Variants in KIRREL3 observed in about 807,000 individuals in gnomAD.
The protein encoded by KIRREL3 is kirre like nephrin family adhesion molecule 3.
A neutral mutation model predicts 89.7 loss-of-function variants in KIRREL3; 36 were observed. That is an observed-to-expected ratio of 0.40 (90% CI 0.31 to 0.53). The LOEUF is 0.53. Ranked by LOEUF, KIRREL3 falls within the 20% of genes least tolerant of loss-of-function variation. KIRREL3 has a pLI of 0.49. For synonymous variants in KIRREL3, 445 were observed against 441.4 expected, an observed-to-expected ratio of 1.01 and a Z score of -0.10; for missense variants, 864 against 1,056.6, an observed-to-expected ratio of 0.82 and a Z score of 2.53.
rs997231323 is a variant in KIRREL3 at position 126,452,058 on chromosome 11, C to T, written c.849-2901G>A. 3.3e-5 allele frequency among the ~76,000 whole-genome samples: 5 copies of T among 152,180 alleles called. No homozygotes were observed. The East Asian group carries it at 7.7e-4, about 23-fold the overall frequency. On this transcript the variant is annotated intron_variant, in intron 7 of 16. Coordinates refer to ENST00000525144, the MANE Select transcript of KIRREL3 (RefSeq NM_032531.4). ...CTTCCCTCCATTAGCTTCTTGCCTC[C>T]GTCTGACCCATCCAGCCCCGAGAGA...
intron 1 of KIRREL3, among the ~76,000 whole-genome samples, chr11:126,581,708 A>G (rs1941563342): frequency 2.0e-5 from 3 of 152,038 alleles, no homozygotes; most frequent in Admixed American, 6.6e-5. Context: ...GCAATTTCCA[A>G]TTATAGGATA....
chr11:126,821,861 G>A (rs936188710), intron 1 of KIRREL3, among the ~76,000 whole-genome samples: 5 of 152,290 alleles, frequency 3.3e-5, no homozygotes, highest in Non-Finnish European at 4.4e-5. Flanking sequence ...AATCCAGGCA[G>A]CCTCTGGAAG....
chr11:126,897,938 T>C lies in KIRREL3; in HGVS notation c.55+102517A>G, dbSNP rs1167391232. ...AGAGGACACATCATTCTGCCTCTGCTTGGGAAGGGGGAGTGGGTGGGAGCT... is the reference window on the plus strand; with the variant it reads ...AGAGGACACATCATTCTGCCTCTGCCTGGGAAGGGGGAGTGGGTGGGAGCT... On this transcript the variant is annotated intron_variant, in intron 1 of 16. Coordinates refer to ENST00000525144, the MANE Select transcript of KIRREL3 (RefSeq NM_032531.4). This position sits in a 1 kb window ranked among gnomAD's most constrained non-coding sequence, Gnocchi z 4.2. 6.6e-6 allele frequency among the ~76,000 whole-genome samples: 1 copy of C among 152,110 alleles called. No individual in the cohort carries two copies.
In KIRREL3 at chr11:126,455,979, C is replaced by T. The variant is rs1286228810; in HGVS notation, c.848+370G>A. On this transcript the variant is annotated intron_variant, in intron 7 of 16. Transcript: ENST00000525144. This position sits in a 1 kb window ranked among gnomAD's most constrained non-coding sequence, Gnocchi z 6.4. ...GTGAACCAGTTTGATGGGCACAAGA[C>T]TAGAATGGAGGTTCTGATCTTGCTG... Among the ~76,000 whole-genome samples the T allele has an allele frequency of 6.7e-6, 1 of 148,648 alleles. No homozygotes were observed. The highest frequency in any genetic ancestry group is 1.5e-5 in the Non-Finnish European group (1 of 67,658).
At chr11:126,923,801 C>T (rs1110352) in intron 1 of KIRREL3, among the ~76,000 whole-genome samples, 52,015 of 151,936 alleles carry the variant, frequency 0.34, 9,280 homozygotes, top group Middle Eastern at 0.56. Context: ...CTTTTTATAA[C>T]CATAGAACAG....
chr11:126,712,485 G>A (rs1947801652), intron 1 of KIRREL3, among the ~76,000 whole-genome samples: 2 of 152,216 alleles, frequency 1.3e-5, no homozygotes, highest in Admixed American at 1.3e-4. Flanking sequence ...CCCGTCCTTG[G>A]GTTCTGGTCA....
rs1955003578 is a variant in KIRREL3 at position 126,428,043 on chromosome 11, C to G, written c.1806+1136G>C. ...AGCCTCTACCAGGGCCTGTGTAAGG[C>G]TCCGAAGACCCCGGGATGAACACAG... is the stretch of plus-strand genomic sequence containing the variant. On this transcript the variant is annotated intron_variant, in intron 15 of 16. Transcript: ENST00000525144. The surrounding 1 kb of genome is among the most constrained non-coding windows in gnomAD (Gnocchi z 6.4). 6.6e-6 allele frequency among the ~76,000 whole-genome samples: 1 copy of G among 152,208 alleles called. No homozygotes were observed. The highest frequency in any genetic ancestry group is 6.5e-5 in the Admixed American group (1 of 15,276).
At chr11:126,732,110 C>G (rs745970542) in intron 1 of KIRREL3, among the ~76,000 whole-genome samples, 2 of 152,136 alleles carry the variant, frequency 1.3e-5, no homozygotes, top group Non-Finnish European at 2.9e-5. Context: ...TGCTGCCCTG[C>G]CTGGGGTCTT....
chr11:126,864,027 T>A (rs1172239187), intron 1 of KIRREL3, among the ~76,000 whole-genome samples: 1 of 152,232 alleles, frequency 6.6e-6, no homozygotes, highest in Non-Finnish European at 1.5e-5. Context: ...AAGTGGGTAC[T>A]AGTTTCCTCC....
rs949878399 is a variant in KIRREL3, at chr11:126,579,500, C to T, written c.56-16588G>A. Among the ~76,000 whole-genome samples the T allele has an allele frequency of 6.6e-6, 1 of 152,158 alleles. No homozygotes were observed. Among genetic ancestry groups the T allele is most frequent in the Non-Finnish European group, 1.5e-5 (1 of 68,026 alleles). ...AACCACTCTCTAATTTAACGAATAA[C>T]TTCTCTCATGAGCAAATGGGGTCCG... On this transcript the variant is annotated intron_variant, in intron 1 of 16. Coordinates refer to ENST00000525144, the MANE Select transcript of KIRREL3 (RefSeq NM_032531.4). This position sits in a 1 kb window ranked among gnomAD's most constrained non-coding sequence, Gnocchi z 5.3.
chr11:126,727,766 C>A (rs1393678650), intron 1 of KIRREL3, among the ~76,000 whole-genome samples: 1 of 152,344 alleles, frequency 6.6e-6, no homozygotes. Context: ...GAAACGCTGT[C>A]TCTGTGAGGA....
chr11:126,794,260 T>C lies in KIRREL3; in HGVS notation c.55+206195A>G, dbSNP rs116784841. 2.8e-3 allele frequency among the ~76,000 whole-genome samples: 424 copies of C among 152,330 alleles called. 1 individual carries two copies. Among genetic ancestry groups the C allele is most frequent in the African/African-American group, 9.6e-3 (399 of 41,576 alleles). Reference sequence around the variant, plus strand: ...TTTAGCAGTTACCTTGTCTATCTCCTGGATAATTTAGTACTCATAGATCAT... The same window carrying C: ...TTTAGCAGTTACCTTGTCTATCTCCCGGATAATTTAGTACTCATAGATCAT... On this transcript the variant is annotated intron_variant, in intron 1 of 16. Coordinates refer to ENST00000525144, the MANE Select transcript of KIRREL3 (RefSeq NM_032531.4).
Position 126,440,216 on chromosome 11 carries a change from C to G in KIRREL3, c.1353+233G>C, listed in dbSNP as rs111320623. ...GGAATTTGGTCAGAGCCGTTCATGTCAGAGCTCAGCAGAATGGCAGCTGAA... is the reference window on the plus strand; with the variant it reads ...GGAATTTGGTCAGAGCCGTTCATGTGAGAGCTCAGCAGAATGGCAGCTGAA... On this transcript the variant is annotated intron_variant, in intron 11 of 16. Transcript: ENST00000525144. The G allele has an allele frequency of 5.8e-6, 4 of 693,332 alleles. No individual in the cohort carries two copies. In the Admixed American group the frequency reaches 8.1e-5, roughly 14 times the overall value. 42.9% of individuals were successfully genotyped at this position (693,332 alleles called of 1,614,324 possible).
In KIRREL3 at chr11:126,708,515, A is replaced by T. The variant is rs1565666894; in HGVS notation, c.56-145603T>A. On this transcript the variant is annotated intron_variant, in intron 1 of 16. Coordinates refer to ENST00000525144, the MANE Select transcript of KIRREL3 (RefSeq NM_032531.4). The surrounding 1 kb of genome is among the most constrained non-coding windows in gnomAD (Gnocchi z 5.7). Reference sequence around the variant, plus strand: ...CTGGCCCAGGATACACAAGACCAGGAGTCATCACCATCAGTAACAGTAACA... The same window carrying T: ...CTGGCCCAGGATACACAAGACCAGGTGTCATCACCATCAGTAACAGTAACA... Among the ~76,000 whole-genome samples, 2 of 152,176 alleles carry T rather than the reference A, an allele frequency of 1.3e-5. No individual in the cohort carries two copies. The highest frequency in any genetic ancestry group is 2.1e-4 in the South Asian group (1 of 4,824).
At position 126,989,856 on chromosome 11, in the gene KIRREL3, G is replaced by T. The variant is rs1949974197; in HGVS notation, c.55+10599C>A. ...GTTCAAACAGCCATGGCCCGTGGTG[G>T]TTTTTTATAATGGTGTTGTTGGAAA... On this transcript the variant is annotated intron_variant, in intron 1 of 16. Coordinates refer to ENST00000525144, the MANE Select transcript of KIRREL3 (RefSeq NM_032531.4). This position sits in a 1 kb window ranked among gnomAD's most constrained non-coding sequence, Gnocchi z 6.2. 6.6e-6 allele frequency among the ~76,000 whole-genome samples: 1 copy of T among 152,320 alleles called. No individual in the cohort carries two copies. The highest frequency in any genetic ancestry group is 2.4e-5 in the African/African-American group (1 of 41,582).
Position 126,897,956 on chromosome 11 carries a change from T to A in KIRREL3, c.55+102499A>T, listed in dbSNP as rs1426159406. On this transcript the variant is annotated intron_variant, in intron 1 of 16. Transcript: ENST00000525144. The surrounding 1 kb of genome is among the most constrained non-coding windows in gnomAD (Gnocchi z 4.2). ...CCTCTGCTTGGGAAGGGGGAGTGGG[T>A]GGGAGCTTGGACTGTCCACACTGGT... 2.0e-5 allele frequency among the ~76,000 whole-genome samples: 3 copies of A among 152,114 alleles called. No individual in the cohort carries two copies. The highest frequency in any genetic ancestry group is 4.4e-5 in the Non-Finnish European group (3 of 68,030).
chr11:126,644,570 T>C (rs1944592496), intron 1 of KIRREL3, among the ~76,000 whole-genome samples: 1 of 151,738 alleles, frequency 6.6e-6, no homozygotes, highest in African/African-American at 2.4e-5. Context: ...AAGACATGGG[T>C]TGGGGGTGGG....
chr11:126,968,542 C>T (rs568602436), intron 1 of KIRREL3, among the ~76,000 whole-genome samples: 3 of 152,164 alleles, frequency 2.0e-5, no homozygotes, highest in African/African-American at 4.8e-5. Flanking sequence ...GGCTCACCAG[C>T]GCCTTGTAAA....
intron 1 of KIRREL3, among the ~76,000 whole-genome samples, chr11:126,581,732 T>A (rs1941564429): frequency 6.6e-6 from 1 of 152,192 alleles, no homozygotes; most frequent in Non-Finnish European, 1.5e-5. Context: ...TGTTATTAAC[T>A]GTAATCACCA....
Sources: gnomAD v4.1 joint callset for allele counts (sites outside exome capture counted in the v4.1 genomes callset) on GRCh38, gnomAD v4.1.1 for gene constraint, Gnocchi (gnomAD v3.1) non-coding constraint, MANE v1.5 for transcripts, NCBI Gene and HGNC (gene_info 2026-07-23, HGNC 2026-07-21) for gene names.